PRRC2C: variants seen among roughly 807,000 people sequenced by gnomAD.
PRRC2C encodes protein PRRC2C.
Under a neutral mutation model 317.2 loss-of-function variants are expected in PRRC2C, and 72 were observed. The observed-to-expected ratio is 0.23, with a 90% CI of 0.19 to 0.28. The LOEUF is 0.28. Among genes scored for constraint, PRRC2C ranks in the 10% least tolerant of loss-of-function variants. The pLI, the probability that PRRC2C is intolerant of heterozygous loss-of-function variation, is 1.00. For missense variants in PRRC2C, 3,074 were observed against 3,459.7 expected, an observed-to-expected ratio of 0.89 and a Z score of 2.80; for synonymous variants, 1,296 against 1,205.9, an observed-to-expected ratio of 1.07 and a Z score of -1.55.
intron 1 of PRRC2C, among the ~76,000 whole-genome samples, chr1:171,498,272 T>C (rs994918896): frequency 6.6e-6 from 1 of 152,176 alleles, no homozygotes; most frequent in Non-Finnish European, 1.5e-5. Flanking sequence ...GGGTAACTTA[T>C]AAATAACAGA....
chr1:171,537,581 G>A, intron 15 of PRRC2C, 108 bp downstream of exon 15: 1 of 1,019,168 alleles, frequency 9.8e-7, no homozygotes, highest in Non-Finnish European at 1.4e-6. Context: ...CATAAATCTG[G>A]TTTCCTTCTA....
chr1:171,548,470 G>A (rs1679584379), intron 17 of PRRC2C, among the ~76,000 whole-genome samples: 1 of 151,974 alleles, frequency 6.6e-6, no homozygotes, highest in Non-Finnish European at 1.5e-5. Context: ...ATCCTGAATT[G>A]TATACTTATC....
chr1:171,505,475 C>A (rs2102182424), intron 1 of PRRC2C, among the ~76,000 whole-genome samples: 1 of 152,154 alleles, frequency 6.6e-6, no homozygotes, highest in African/African-American at 2.4e-5. Flanking sequence ...TTTAAGATAT[C>A]AGATTTTCTA....
chr1:171,588,533 AT>A, intron 33 of PRRC2C, 28 bp downstream of exon 33: 1 of 1,602,268 alleles, frequency 6.2e-7, no homozygotes, highest in Non-Finnish European at 8.5e-7. Context: ...AGAAATGAGT[AT>A]TATTTACTTA....
At chr1:171,553,346 C>T (rs1170908235) in intron 18 of PRRC2C, among the ~76,000 whole-genome samples, 1 of 151,614 alleles carries the variant, frequency 6.6e-6, no homozygotes, top group Non-Finnish European at 1.5e-5. Context: ...TTTGATTCTT[C>T]TCTCTTTTCT....
chr1:171,558,555 T>C lies in PRRC2C; in HGVS notation c.6031+412T>C, dbSNP rs377750756. On this transcript the variant is annotated intron_variant, in intron 19 of 34. Transcript: ENST00000647382. ...GTCATTCTTGCAATATGTCAAATTT[T>C]TCATCATTTATCTGTTATGGTGGTC... is the stretch of plus-strand genomic sequence containing the variant. 2.6e-5 allele frequency among the ~76,000 whole-genome samples: 4 copies of C among 152,366 alleles called. No homozygotes were observed. The East Asian group carries it at 7.7e-4, about 29-fold the overall frequency.
At position 171,523,269 on chromosome 1, in the gene PRRC2C, A is replaced by G. The variant is rs969226944; in HGVS notation, c.882A>G (p.Glu294=). ...CTCCTTCATGGGCCTCTGAGCCTGA[A>G]CGCCCATCCATTCTTAGTGCATCAG... is the stretch of plus-strand genomic sequence containing the variant. ...GPPPSWASEP[E]RPSILSASEL... The change falls in exon 8 of 35, where the codon GAA becomes GAG. Residue 294 remains glutamate, a synonymous_variant. Transcript: ENST00000647382. 1.2e-6 allele frequency: 2 copies of G among 1,613,610 alleles called. No homozygotes were observed. Among genetic ancestry groups the G allele is most frequent in the African/African-American group, 1.3e-5 (1 of 75,046 alleles).
At position 171,541,778 on chromosome 1, in the gene PRRC2C, C is replaced by T; in HGVS notation, c.4312C>T (p.Arg1438Ter). ...TRPPRQDKPPRFRRLREREAA... is the reference protein window; with the variant it reads ...TRPPRQDKPP ...ACCACCAAGGCAAGACAAGCCACCT[C>T]GATTTAGACGGCTAAGAGAGAGGGA... The change falls in exon 16 of 35, where the codon CGA (arginine) becomes TGA (stop). Residue 1438 changes from arginine to a stop codon, truncating the protein, a stop_gained. Coordinates refer to ENST00000647382, the MANE Select transcript of PRRC2C (RefSeq NM_001387844.1). LOFTEE classifies it high-confidence loss of function. This position sits in a 1 kb window ranked among gnomAD's most constrained non-coding sequence, Gnocchi z 4.1. The T allele has an allele frequency of 6.2e-7, 1 of 1,613,928 alleles. No homozygotes were observed. Among genetic ancestry groups the T allele is most frequent in the Non-Finnish European group, 8.5e-7 (1 of 1,179,884 alleles).
chr1:171,490,328 C>G (rs1026759749), intron 1 of PRRC2C, among the ~76,000 whole-genome samples: 3 of 152,314 alleles, frequency 2.0e-5, no homozygotes, highest in Non-Finnish European at 1.5e-5. Context: ...ATCCAGTATA[C>G]TACCAGTCTT....
chr1:171,578,765 C>T (rs1241096703), intron 26 of PRRC2C, among the ~76,000 whole-genome samples: 1 of 151,850 alleles, frequency 6.6e-6, no homozygotes, highest in Non-Finnish European at 1.5e-5. Flanking sequence ...GTAGCTGAGG[C>T]ACAAGAATCG....
chr1:171,499,075 G>A (rs1398912106), intron 1 of PRRC2C, among the ~76,000 whole-genome samples: 1 of 152,198 alleles, frequency 6.6e-6, no homozygotes, highest in African/African-American at 2.4e-5. Context: ...TTCCCAAAGT[G>A]CTGGGATTAT....
Position 171,540,630 on chromosome 1 carries a change from C to T in PRRC2C, c.3164C>T (p.Thr1055Met), listed in dbSNP as rs143283766. The change falls in exon 16 of 35, where the codon ACG (threonine) becomes ATG (methionine). Residue 1055 changes from threonine (T) to methionine (M), a missense_variant. By Grantham distance (81) the Thr-to-Met change is moderately conservative (BLOSUM62 -1). Around this residue, in one of 11 missense-constraint regions of PRRC2C, gnomAD observed 1,320 missense variants for 1,395.7 expected, o/e 0.95. Coordinates refer to ENST00000647382, the MANE Select transcript of PRRC2C (RefSeq NM_001387844.1). ...TEKVVVKPEKTEKKDLPPPPP... is the reference protein window; with the variant it reads ...TEKVVVKPEKMEKKDLPPPPP... Reference sequence around the variant, plus strand: ...AAAGTAGTTGTAAAGCCTGAAAAGACGGAAAAGAAGGATCTTCCTCCTCCC... The same window carrying T: ...AAAGTAGTTGTAAAGCCTGAAAAGATGGAAAAGAAGGATCTTCCTCCTCCC... 9.2e-5 allele frequency: 149 copies of T among 1,613,790 alleles called. 1 individual carries two copies. Among genetic ancestry groups the T allele is most frequent in the Middle Eastern group, 4.9e-4 (3 of 6,084 alleles).
rs1335250627 is a variant in PRRC2C, at chr1:171,503,583, C to T, written c.-57-8449C>T. The stretch of plus-strand genomic sequence containing the variant: ...AAAGTGATGGTGCTATTTTCATTTC[C>T]GGTTCTTTAATATTCTTGCCAAAAC... On this transcript the variant is annotated intron_variant, in intron 1 of 34. Transcript: ENST00000647382. Among the ~76,000 whole-genome samples, 5 of 151,318 alleles carry T rather than the reference C, an allele frequency of 3.3e-5. No individual in the cohort carries two copies. In the East Asian group the frequency reaches 9.7e-4, roughly 29 times the overall value.
intron 11 of PRRC2C, among the ~76,000 whole-genome samples, chr1:171,528,821 A>G (rs924988810): frequency 6.6e-6 from 1 of 151,698 alleles, no homozygotes; most frequent in African/African-American, 2.4e-5. Context: ...GTATATGCAT[A>G]TATTTTTAGA....
At chr1:171,563,278 T>C (rs752271687) in intron 20 of PRRC2C, among the ~76,000 whole-genome samples, 2 of 152,218 alleles carry the variant, frequency 1.3e-5, no homozygotes, top group African/African-American at 4.8e-5. Flanking sequence ...ATGTAACCTA[T>C]GCATAACCTC....
intron 26 of PRRC2C, among the ~76,000 whole-genome samples, chr1:171,578,736 C>T (rs1254733059): frequency 1.3e-5 from 2 of 151,944 alleles, no homozygotes; most frequent in Admixed American, 6.6e-5. Context: ...GGCGTGGTGG[C>T]GCACACTCAG....
chr1:171,560,473 G>C (rs1488810053), intron 19 of PRRC2C, among the ~76,000 whole-genome samples: 1 of 152,130 alleles, frequency 6.6e-6, no homozygotes, highest in East Asian at 1.9e-4. Flanking sequence ...TTCATGAAAG[G>C]AATAGTCAGT....
intron 15 of PRRC2C, among the ~76,000 whole-genome samples, chr1:171,538,209 C>T (rs1677226580): frequency 6.6e-6 from 1 of 152,138 alleles, no homozygotes; most frequent in Non-Finnish European, 1.5e-5. Context: ...CTCTTGGGCT[C>T]AAGCAGTCTG....
intron 25 of PRRC2C, among the ~76,000 whole-genome samples, chr1:171,575,754 C>T (rs886580612): frequency 1.3e-5 from 2 of 152,142 alleles, no homozygotes; most frequent in African/African-American, 4.8e-5. Context: ...TTCCAAAATG[C>T]TTGACTCTAG....
Sources: allele counts gnomAD v4.1 joint callset (sites outside exome capture counted in the v4.1 genomes callset), GRCh38; gene constraint gnomAD v4.1.1; regional missense constraint gnomAD v4.1.1; non-coding constraint Gnocchi (gnomAD v3.1); transcripts MANE v1.5; gene names NCBI Gene and HGNC (gene_info 2026-07-23, HGNC 2026-07-21).